Variants in DMD observed in about 807,000 individuals in gnomAD.
DMD encodes dystrophin.
In DMD, 63 loss-of-function variants were observed where a neutral mutation model predicts 330.1. The observed-to-expected ratio is 0.19, with a 90% CI of 0.16 to 0.24. DMD has a LOEUF of 0.24. Ranked by LOEUF, DMD falls within the 10% of genes least tolerant of loss-of-function variation. DMD has a pLI of 1.00. For missense variants in DMD, 3,344 were observed against 2,684.1 expected, an observed-to-expected ratio of 1.25 and a Z score of -5.43; for synonymous variants, 1,223 against 959.8, an observed-to-expected ratio of 1.27 and a Z score of -5.07.
At chrX:33,256,774 T>A (rs2052863419) in intron 1 of DMD, among the ~76,000 whole-genome samples, 1 of 110,615 alleles carries the variant, frequency 9.0e-6, no homozygotes, top group African/African-American at 3.3e-5. Context: ...AATAATTCAC[T>A]CTAGATTTTC....
chrX:31,936,439 T>C (rs1336454865), intron 45 of DMD, among the ~76,000 whole-genome samples: 1 of 111,830 alleles, frequency 8.9e-6, no homozygotes, highest in Non-Finnish European at 1.9e-5. Context: ...TTGCCATAGA[T>C]ATTTTAAGTA....
chrX:32,648,273 T>A (rs1293201407), intron 9 of DMD, among the ~76,000 whole-genome samples: 4 of 111,878 alleles, frequency 3.6e-5, no homozygotes, highest in East Asian at 2.8e-4. Flanking sequence ...CTGAATAAGC[T>A]ATGCAAAATT....
rs959171662 is a variant in DMD at position 31,535,953 on chromosome X, A to G, written c.8218-28500T>C. On this transcript the variant is annotated intron_variant, in intron 55 of 78. Transcript: ENST00000357033. ...CATCAGGGATCCTAGTACATGATGAACAAGTATCTGAGAGAATTTTCTTAA... is the reference window on the plus strand; with the variant it reads ...CATCAGGGATCCTAGTACATGATGAGCAAGTATCTGAGAGAATTTTCTTAA... Among the ~76,000 whole-genome samples the G allele has an allele frequency of 5.3e-5, 6 of 112,365 alleles. 1 individual carries two copies. The highest frequency in any genetic ancestry group is 1.9e-5 in the Non-Finnish European group (1 of 53,256).
chrX:32,907,182 A>AT (rs1384019594), intron 2 of DMD, among the ~76,000 whole-genome samples: 1 of 112,033 alleles, frequency 8.9e-6, no homozygotes, highest in East Asian at 2.8e-4. Flanking sequence ...TGTGATGTTC[A>AT]TTTCATTGCG....
At chrX:33,141,473 C>G (rs1388953593) in intron 1 of DMD, among the ~76,000 whole-genome samples, 4 of 111,115 alleles carry the variant, frequency 3.6e-5, no homozygotes, top group Non-Finnish European at 7.5e-5. Flanking sequence ...TATGTATGGC[C>G]AAACGGGTTG....
chrX:32,490,316 A>C (rs1470009299), intron 20 of DMD, among the ~76,000 whole-genome samples: 1 of 111,979 alleles, frequency 8.9e-6, no homozygotes, highest in Non-Finnish European at 1.9e-5. Flanking sequence ...AGCTCATAGT[A>C]ACAATGAAAA....
chrX:32,888,858 G>A (rs780046762), intron 2 of DMD, among the ~76,000 whole-genome samples: 24 of 111,789 alleles, frequency 2.1e-4, no homozygotes, highest in African/African-American at 7.5e-4. Flanking sequence ...TGGGAACAAT[G>A]TGGTTGAACC....
At chrX:32,589,054 G>A (rs779460542) in intron 13 of DMD, among the ~76,000 whole-genome samples, 2 of 111,938 alleles carry the variant, frequency 1.8e-5, no homozygotes, top group East Asian at 5.6e-4. Context: ...GACATCCAGA[G>A]TTACCAACTT....
intron 30 of DMD, among the ~76,000 whole-genome samples, chrX:32,411,080 A>C (rs754493227): frequency 8.9e-6 from 1 of 111,830 alleles, no homozygotes; most frequent in Admixed American, 9.5e-5. Context: ...CTAAACGAGG[A>C]GTTTATAATA....
intron 21 of DMD, among the ~76,000 whole-genome samples, chrX:32,484,457 C>T (rs1679387104): frequency 9.0e-6 from 1 of 111,711 alleles, no homozygotes; most frequent in Non-Finnish European, 1.9e-5. Context: ...AAAATGTAGC[C>T]CAAAGAATAA....
At chrX:31,205,431 A>T (rs756360978) in intron 66 of DMD, among the ~76,000 whole-genome samples, 14 of 112,128 alleles carry the variant, frequency 1.2e-4, no homozygotes, top group Non-Finnish European at 2.1e-4. Flanking sequence ...ACCTAAAAAC[A>T]TGTTCCCTCT....
At chrX:32,910,017 TAGAC>T (rs201658406) in intron 2 of DMD, among the ~76,000 whole-genome samples, 1,375 of 111,553 alleles carry the variant, frequency 0.012, 30 homozygotes, top group African/African-American at 0.043. Flanking sequence ...ACAAAATACA[TAGAC>T]AGGACACATT....
At chrX:31,289,433 A>G (rs62588870) in intron 62 of DMD, among the ~76,000 whole-genome samples, 10,205 of 110,100 alleles carry the variant, frequency 0.093, 440 homozygotes, top group Non-Finnish European at 0.13. Context: ...TTAGCTCTAA[A>G]TCAAATTTTA....
At chrX:32,729,553 C>A (rs1012034335) in intron 7 of DMD, among the ~76,000 whole-genome samples, 1 of 111,218 alleles carries the variant, frequency 9.0e-6, no homozygotes, top group Non-Finnish European at 1.9e-5. Flanking sequence ...AATGTCTTAT[C>A]TTAACCACCC....
intron 60 of DMD, among the ~76,000 whole-genome samples, chrX:31,380,885 C>T (rs1479669361): frequency 9.1e-6 from 1 of 110,339 alleles, no homozygotes; most frequent in African/African-American, 3.3e-5. Context: ...AGACAGCCCC[C>T]ATTACTTCAG....
chrX:32,454,618 T>A (rs752503708), intron 26 of DMD, 44 bp downstream of exon 26: 2 of 1,057,404 alleles, frequency 1.9e-6, no homozygotes, highest in Non-Finnish European at 2.6e-6. Context: ...TCTTTTTCCA[T>A]TTATTTCCTT....
At chrX:31,373,351 C>T (rs1267491513) in intron 60 of DMD, among the ~76,000 whole-genome samples, 2 of 99,038 alleles carry the variant, frequency 2.0e-5, no homozygotes, top group South Asian at 5.7e-4. Flanking sequence ...AAAAAGAGCC[C>T]GCATCGCCAA....
At chrX:32,030,232 C>T (rs1373191141) in intron 44 of DMD, among the ~76,000 whole-genome samples, 1 of 112,275 alleles carries the variant, frequency 8.9e-6, no homozygotes, top group East Asian at 2.8e-4. Context: ...AAGCTGTTAT[C>T]TAATTGTTAT....
chrX:32,880,701 T>A (rs111803065), intron 2 of DMD, among the ~76,000 whole-genome samples: 1,610 of 112,565 alleles, frequency 0.014, 31 homozygotes, highest in African/African-American at 0.05. Flanking sequence ...TCCCAGCACT[T>A]TAGACGGCCG....
Sources: allele counts gnomAD v4.1 joint callset (sites outside exome capture counted in the v4.1 genomes callset), GRCh38; gene constraint gnomAD v4.1.1; transcripts MANE v1.5; gene names NCBI Gene and HGNC (gene_info 2026-07-23, HGNC 2026-07-21).